The following KCNB2 variants were observed in gnomAD, a reference collection of about 807,000 sequenced individuals.
KCNB2 encodes potassium voltage-gated channel subfamily B member 2, also known as delayed rectifier potassium channel protein.
In KCNB2, 15 loss-of-function variants were observed where a neutral mutation model predicts 61.5. The ratio of observed to expected loss-of-function variants is 0.24; its 90% CI spans 0.16 to 0.38. The LOEUF is 0.38. Among genes scored for constraint, KCNB2 ranks in the 10% least tolerant of loss-of-function variants. The pLI, the probability that KCNB2 is intolerant of heterozygous loss-of-function variation, is 1.00. For synonymous variants in KCNB2, 457 were observed against 446.0 expected, an observed-to-expected ratio of 1.02 and a Z score of -0.31; for missense variants, 828 against 1,125.2, an observed-to-expected ratio of 0.74 and a Z score of 3.78.
intron 1 of KCNB2, among the ~76,000 whole-genome samples, chr8:72,565,835 CTG>C (rs1264457754): frequency 6.6e-6 from 1 of 152,200 alleles, no homozygotes; most frequent in African/African-American, 2.4e-5. Flanking sequence ...AATGGATTAA[CTG>C]TTTAATATTT....
In KCNB2 at chr8:72,561,713, A is replaced by ATG. The variant is rs1563523348; in HGVS notation, c.-93-5928_-93-5927insGT. On this transcript the variant is annotated intron_variant, in intron 1 of 2. Coordinates refer to ENST00000523207, the MANE Select transcript of KCNB2 (RefSeq NM_004770.3). Reference sequence around the variant, plus strand: ...CTTTTATATATATATATATATATATATATATATATATATATCTATATCTAT... The same window carrying ATG: ...CTTTTATATATATATATATATATATATGTATATATATATATATCTATATCTAT... Among the ~76,000 whole-genome samples, 90 of 23,948 alleles carry ATG rather than the reference A, an allele frequency of 3.8e-3. 9 individuals are homozygous for ATG. The highest frequency in any genetic ancestry group is 5.3e-3 in the Non-Finnish European group (81 of 15,386). The allele number at this position is 23,948 out of a possible 152,430, so 15.7% of individuals were successfully genotyped here.
chr8:72,928,495 C>T (rs2129008827), intron 2 of KCNB2, among the ~76,000 whole-genome samples: 1 of 152,148 alleles, frequency 6.6e-6, no homozygotes, highest in Admixed American at 6.5e-5. Context: ...CTCCACTTTC[C>T]TATTTTGTTC....
chr8:72,737,440 T>C (rs1363586017), intron 2 of KCNB2, among the ~76,000 whole-genome samples: 1 of 152,194 alleles, frequency 6.6e-6, no homozygotes, highest in Non-Finnish European at 1.5e-5. Flanking sequence ...CATGGCTACT[T>C]AGCAGTGTTC....
At chr8:72,744,353 G>A (rs867268665) in intron 2 of KCNB2, among the ~76,000 whole-genome samples, 6 of 152,100 alleles carry the variant, frequency 3.9e-5, no homozygotes, top group African/African-American at 1.4e-4. Flanking sequence ...GCAGCACTTG[G>A]TGAATGCTAT....
intron 2 of KCNB2, among the ~76,000 whole-genome samples, chr8:72,732,538 G>A (rs572462814): frequency 1.3e-5 from 2 of 152,300 alleles, no homozygotes; most frequent in Admixed American, 1.3e-4. Context: ...TTGATAGCTA[G>A]ATTTGTTTTT....
chr8:72,834,819 C>T (rs186318176), intron 2 of KCNB2, among the ~76,000 whole-genome samples: 3 of 152,310 alleles, frequency 2.0e-5, no homozygotes, highest in Admixed American at 2.0e-4. Flanking sequence ...AAAAGCCAAT[C>T]ACCATCTTTG....
chr8:72,555,865 C>T (rs779809632), intron 1 of KCNB2, among the ~76,000 whole-genome samples: 27 of 151,972 alleles, frequency 1.8e-4, no homozygotes, highest in South Asian at 4.2e-4. Context: ...CCCATTAACT[C>T]GTCATTTAGC....
chr8:72,584,614 C>T (rs1806968030), intron 2 of KCNB2, among the ~76,000 whole-genome samples: 3 of 152,188 alleles, frequency 2.0e-5, no homozygotes, highest in Admixed American at 2.0e-4. Context: ...AAACCACTCT[C>T]ACCTGCCCAC....
intron 2 of KCNB2, among the ~76,000 whole-genome samples, chr8:72,915,671 G>A (rs934916615): frequency 2.0e-5 from 3 of 152,106 alleles, no homozygotes; most frequent in Non-Finnish European, 2.9e-5. Flanking sequence ...TGTAATCCCA[G>A]CACTTTGGGA....
intron 2 of KCNB2, among the ~76,000 whole-genome samples, chr8:72,928,973 TAAA>T (rs920428794): frequency 4.6e-5 from 7 of 152,120 alleles, no homozygotes; most frequent in African/African-American, 1.7e-4. Flanking sequence ...CAATGCTGGC[TAAA>T]GGCATTTTCC....
At chr8:72,569,525 TA>T (rs1806678430) in intron 2 of KCNB2, among the ~76,000 whole-genome samples, 1 of 152,302 alleles carries the variant, frequency 6.6e-6, no homozygotes, top group Admixed American at 6.5e-5. Flanking sequence ...CTAAGTGAAA[TA>T]AAATGATATC....
intron 2 of KCNB2, among the ~76,000 whole-genome samples, chr8:72,833,586 C>T (rs1200822085): frequency 6.6e-6 from 1 of 151,974 alleles, no homozygotes; most frequent in Admixed American, 6.5e-5. Flanking sequence ...TAGCAGAAGG[C>T]CTAGGGGGTG....
intron 2 of KCNB2, among the ~76,000 whole-genome samples, chr8:72,703,347 AC>A (rs1199925417): frequency 2.0e-5 from 3 of 152,158 alleles, no homozygotes; most frequent in Non-Finnish European, 4.4e-5. Context: ...TGGACTCAAC[AC>A]CTGTGGGAGA....
intron 1 of KCNB2, among the ~76,000 whole-genome samples, chr8:72,553,762 T>C (rs552888956): frequency 6.6e-6 from 1 of 152,162 alleles, no homozygotes; most frequent in Non-Finnish European, 1.5e-5. Flanking sequence ...TGTAAACATC[T>C]ATATGAAGCT....
At chr8:72,837,955 G>A (rs935154379) in intron 2 of KCNB2, among the ~76,000 whole-genome samples, 3 of 152,042 alleles carry the variant, frequency 2.0e-5, no homozygotes, top group African/African-American at 7.2e-5. Context: ...AATTATTTAT[G>A]GAGTTTTATT....
At chr8:72,868,053 T>G (rs1288256956) in intron 2 of KCNB2, among the ~76,000 whole-genome samples, 1 of 120,630 alleles carries the variant, frequency 8.3e-6, no homozygotes, top group African/African-American at 2.6e-5. Flanking sequence ...AGGTTGATTT[T>G]GGGTTTTTTT....
intron 2 of KCNB2, among the ~76,000 whole-genome samples, chr8:72,641,727 T>C (rs1344029895): frequency 1.3e-5 from 2 of 152,160 alleles, no homozygotes; most frequent in Admixed American, 1.3e-4. Flanking sequence ...TTGGGCAGGC[T>C]ACTTAACTAA....
chr8:72,644,570 G>A (rs904005378), intron 2 of KCNB2, among the ~76,000 whole-genome samples: 4 of 152,172 alleles, frequency 2.6e-5, no homozygotes, highest in African/African-American at 4.8e-5. Flanking sequence ...GTGTTTGTCT[G>A]TGGAACATAA....
chr8:72,759,225 TG>T (rs1460190987), intron 2 of KCNB2, among the ~76,000 whole-genome samples: 1 of 152,180 alleles, frequency 6.6e-6, no homozygotes, highest in Non-Finnish European at 1.5e-5. Context: ...AATTCGTTCT[TG>T]GCTCATTTAT....
Sources: gnomAD v4.1 joint callset for allele counts (sites outside exome capture counted in the v4.1 genomes callset) on GRCh38, gnomAD v4.1.1 for gene constraint, MANE v1.5 for transcripts, NCBI Gene and HGNC (gene_info 2026-07-23, HGNC 2026-07-21) for gene names.